Variants in GRM7 observed in about 807,000 individuals in gnomAD.
GRM7 encodes the protein glutamate metabotropic receptor 7.
Under a neutral mutation model 84.5 loss-of-function variants are expected in GRM7, and 35 were observed. The observed-to-expected ratio is 0.41, with a 90% confidence interval of 0.32 to 0.55. The LOEUF (loss-of-function observed/expected upper bound fraction) is 0.55, where lower values mean the gene tolerates loss of function less well. Among genes scored for constraint, GRM7 ranks in the 20% least tolerant of loss-of-function variants. GRM7 has a pLI of 0.19. For synonymous variants in GRM7, 487 were observed against 455.1 expected, an observed-to-expected ratio of 1.07 and a Z score of -0.89; for missense variants, 1,003 against 1,194.6, an observed-to-expected ratio of 0.84 and a Z score of 2.36.
chr3:7,468,182 A>G (rs1484527397), intron 7 of GRM7, among the ~76,000 whole-genome samples: 1 of 152,192 alleles, frequency 6.6e-6, no homozygotes, highest in Non-Finnish European at 1.5e-5. Flanking sequence ...GTATTACATG[A>G]GGTATGTAAT....
At chr3:7,678,246 A>T (rs1433439282) in intron 8 of GRM7, among the ~76,000 whole-genome samples, 2 of 152,236 alleles carry the variant, frequency 1.3e-5, no homozygotes, top group Admixed American at 6.5e-5. Context: ...ATGTGTACAC[A>T]CATACAAATA....
intron 1 of GRM7, among the ~76,000 whole-genome samples, chr3:7,021,653 G>T (rs1695780933): frequency 6.6e-6 from 1 of 152,152 alleles, no homozygotes; most frequent in Non-Finnish European, 1.5e-5. Context: ...AGACAAAGTA[G>T]TTTTTAATTG....
intron 4 of GRM7, among the ~76,000 whole-genome samples, chr3:7,379,608 T>C (rs1477434256): frequency 2.6e-5 from 4 of 152,226 alleles, no homozygotes; most frequent in Non-Finnish European, 5.9e-5. Flanking sequence ...TATATATTTT[T>C]TCTTATCTTT....
At chr3:7,380,952 G>T (rs1272556546) in intron 4 of GRM7, among the ~76,000 whole-genome samples, 2 of 152,104 alleles carry the variant, frequency 1.3e-5, no homozygotes, top group African/African-American at 4.8e-5. Flanking sequence ...ACTATAAAAG[G>T]AAGACCGTGT....
intron 1 of GRM7, among the ~76,000 whole-genome samples, chr3:7,033,158 C>T (rs566305282): frequency 1.3e-5 from 2 of 152,168 alleles, no homozygotes; most frequent in East Asian, 1.9e-4. Flanking sequence ...TCTGTCTTCA[C>T]GTCACTTTCA....
chr3:7,626,046 G>C (rs555878228), intron 8 of GRM7, among the ~76,000 whole-genome samples: 3 of 152,230 alleles, frequency 2.0e-5, no homozygotes, highest in African/African-American at 7.2e-5. Context: ...AGGCATCAGA[G>C]AGCCATTTTT....
At chr3:7,321,204 T>G (rs1352415673) in intron 4 of GRM7, among the ~76,000 whole-genome samples, 1 of 152,018 alleles carries the variant, frequency 6.6e-6, no homozygotes, top group Non-Finnish European at 1.5e-5. Flanking sequence ...TAGAAATGAA[T>G]TATTTTTGTT....
At chr3:7,297,037 C>T (rs1411354146) in intron 2 of GRM7, among the ~76,000 whole-genome samples, 1 of 151,898 alleles carries the variant, frequency 6.6e-6, no homozygotes, top group African/African-American at 2.4e-5. Flanking sequence ...TATGTGCTTT[C>T]TGCTTTTTTT....
At chr3:6,946,852 T>C (rs1304345072) in intron 1 of GRM7, among the ~76,000 whole-genome samples, 2 of 152,208 alleles carry the variant, frequency 1.3e-5, no homozygotes, top group African/African-American at 4.8e-5. Flanking sequence ...GGCTCTCTGT[T>C]TGTCTGTTAT....
At chr3:7,041,228 A>C (rs538654905) in intron 1 of GRM7, among the ~76,000 whole-genome samples, 1 of 152,332 alleles carries the variant, frequency 6.6e-6, no homozygotes, top group East Asian at 1.9e-4. Flanking sequence ...TATCACCACA[A>C]TCAAGATAAC....
chr3:7,043,229 G>C (rs1205187311), intron 1 of GRM7, among the ~76,000 whole-genome samples: 3 of 152,148 alleles, frequency 2.0e-5, no homozygotes, highest in Non-Finnish European at 4.4e-5. Context: ...GCCATATATT[G>C]AAGCGGGGGG....
intron 1 of GRM7, among the ~76,000 whole-genome samples, chr3:6,917,494 C>CT (rs35883512): frequency 0.041 from 5,163 of 126,302 alleles, 330 homozygotes; most frequent in African/African-American, 0.14. Context: ...TTGTTAATTG[C>CT]TTTTTTTTTT....
At chr3:7,589,401 T>G (rs986045445) in intron 8 of GRM7, among the ~76,000 whole-genome samples, 2 of 152,232 alleles carry the variant, frequency 1.3e-5, no homozygotes, top group Non-Finnish European at 1.5e-5. Flanking sequence ...ATAAGTGTTT[T>G]ATAAGGCCTT....
intron 7 of GRM7, among the ~76,000 whole-genome samples, chr3:7,475,807 A>G (rs1346024905): frequency 6.6e-6 from 1 of 152,200 alleles, no homozygotes. Context: ...TCTATCATGG[A>G]GTATTCAAGA....
intron 9 of GRM7, among the ~76,000 whole-genome samples, chr3:7,730,307 G>GT (rs907096691): frequency 6.6e-5 from 10 of 152,184 alleles, no homozygotes; most frequent in Middle Eastern, 3.4e-3. Context: ...CACCTGGCCT[G>GT]TTTTTTTGTT....
Position 7,513,727 on chromosome 3 carries a change from A to G in GRM7, c.1515+52005A>G, listed in dbSNP as rs60140582. On this transcript the variant is annotated intron_variant, in intron 7 of 9. Coordinates refer to ENST00000357716, the MANE Select transcript of GRM7 (RefSeq NM_000844.4). ...AACATAATGTTTCCTGTAAATATAC[A>G]TAACTCTGATATGCCCATAATAATA... Among the ~76,000 whole-genome samples, 636 of 152,348 alleles carry G rather than the reference A, an allele frequency of 4.2e-3. 7 individuals are homozygous for G. Among genetic ancestry groups the G allele is most frequent in the African/African-American group, 0.015 (608 of 41,582 alleles).
intron 9 of GRM7, among the ~76,000 whole-genome samples, chr3:7,683,192 A>C (rs1332031272): frequency 6.6e-6 from 1 of 152,180 alleles, no homozygotes; most frequent in African/African-American, 2.4e-5. Flanking sequence ...GTAACGTATT[A>C]TTGCTTGTTT....
At chr3:7,139,708 G>A (rs1559465529) in intron 1 of GRM7, among the ~76,000 whole-genome samples, 1 of 151,938 alleles carries the variant, frequency 6.6e-6, no homozygotes, top group Non-Finnish European at 1.5e-5. Flanking sequence ...TTTCATAGGT[G>A]ATGAGTCAGC....
intron 7 of GRM7, chr3:7,519,797 G>A (rs1342414179): frequency 6.6e-6 from 1 of 152,190 alleles, no homozygotes; most frequent in African/African-American, 2.4e-5. Context: ...ACTTGTCTTA[G>A]CGCTACATTG....
Sources: gnomAD v4.1 joint callset for allele counts (sites outside exome capture counted in the v4.1 genomes callset) on GRCh38, gnomAD v4.1.1 for gene constraint, MANE v1.5 for transcripts, NCBI Gene and HGNC (gene_info 2026-07-23, HGNC 2026-07-21) for gene names.